IGFL2: variants seen among roughly 807,000 people sequenced by gnomAD.
The protein encoded by IGFL2 is IGF like family member 2, also known as insulin growth factor-like family member 2.
Under a neutral mutation model 13.9 loss-of-function variants are expected in IGFL2, and 7 were observed. The observed-to-expected ratio is 0.51, with a 90% CI of 0.29 to 0.95. The LOEUF (loss-of-function observed/expected upper bound fraction) is 0.95, where lower values mean the gene tolerates loss of function less well. Among genes scored for constraint, IGFL2 ranks in the 40% least tolerant of loss-of-function variants. The pLI, the probability that IGFL2 is intolerant of heterozygous loss-of-function variation, is 0.08. For missense variants in IGFL2, 138 were observed against 147.8 expected (o/e 0.93, Z 0.34); for synonymous variants, 55 against 55.8 (o/e 0.99, Z 0.07).
chr19:46,085,123 G>C, the IGFL2 span, among the ~76,000 whole-genome samples: 1 of 152,164 alleles, frequency 6.6e-6, no homozygotes, highest in African/African-American at 2.4e-5. Flanking sequence ...CCCAATGCAA[G>C]TTTGAAACCC....
the IGFL2 span, among the ~76,000 whole-genome samples, chr19:46,103,660 A>G: frequency 6.6e-6 from 1 of 152,208 alleles, no homozygotes; most frequent in Non-Finnish European, 1.5e-5. Context: ...GAATAGGAAT[A>G]TGACTAGACA....
At chr19:46,211,590 TC>T in the IGFL2 span, 2 of 152,058 alleles carry the variant, frequency 1.3e-5, no homozygotes, top group Non-Finnish European at 2.9e-5. Context: ...GGTTTCACAT[TC>T]CGGGTTTCAC....
chr19:46,110,989 G>A, the IGFL2 span: 3 of 151,814 alleles, frequency 2.0e-5, no homozygotes, highest in African/African-American at 7.3e-5. Flanking sequence ...TTATAATTAT[G>A]TACAATTTTT....
the IGFL2 span, among the ~76,000 whole-genome samples, chr19:46,195,505 AT>A: frequency 1.1e-4 from 17 of 152,300 alleles, no homozygotes; most frequent in Non-Finnish European, 2.4e-4. Flanking sequence ...TTTATGAAAA[AT>A]GTTGTAATCC....
At chr19:46,102,678 T>G in the IGFL2 span, among the ~76,000 whole-genome samples, 1 of 152,200 alleles carries the variant, frequency 6.6e-6, no homozygotes, top group Non-Finnish European at 1.5e-5. Context: ...GAATCTTAAG[T>G]TGCTTCAGGC....
At chr19:46,114,318 G>A in the IGFL2 span, among the ~76,000 whole-genome samples, 688 of 152,268 alleles carry the variant, frequency 4.5e-3, 7 homozygotes, top group African/African-American at 0.015. Flanking sequence ...GAAAAAAAGG[G>A]TGATACCTTT....
chr19:46,113,689 A>G, the IGFL2 span: 16 of 200,680 alleles, frequency 8.0e-5, 1 homozygote, highest in South Asian at 2.9e-4. Context: ...ATAATATTCC[A>G]TGCTTGTTAT....
the IGFL2 span, among the ~76,000 whole-genome samples, chr19:46,095,980 T>A: frequency 6.6e-6 from 1 of 152,222 alleles, no homozygotes; most frequent in Non-Finnish European, 1.5e-5. Context: ...TCTTTTTGCT[T>A]AGGATTGTCT....
chr19:46,195,777 T>A, the IGFL2 span: 4 of 152,076 alleles, frequency 2.6e-5, no homozygotes, highest in East Asian at 7.8e-4. Flanking sequence ...CCCTGTGGCT[T>A]CCCGATCACA....
the IGFL2 span, chr19:46,174,010 T>C: frequency 6.6e-6 from 1 of 152,240 alleles, no homozygotes; most frequent in Non-Finnish European, 1.5e-5. Context: ...TATGAGCCCA[T>C]GGACGAGAAC....
upstream of IGFL2, among the ~76,000 whole-genome samples, chr19:46,141,818 G>C (rs1972871492): frequency 6.6e-6 from 1 of 152,150 alleles, no homozygotes; most frequent in Non-Finnish European, 1.5e-5. Flanking sequence ...TCTTGCCATT[G>C]GTCAGTCTCC....
In IGFL2 at chr19:46,158,822, G is replaced by T. The variant is rs552309373; in HGVS notation, c.20-1593G>T. Among the ~76,000 whole-genome samples the T allele has an allele frequency of 1.6e-3, 240 of 152,206 alleles. 2 individuals are homozygous for T. The highest frequency in any genetic ancestry group is 3.4e-3 in the Admixed American group (52 of 15,288). ...GAGCCCTCCCTAAGGTTACTGATGC[G>T]GTCAGGATGATTAGGAGTAAGGGCT... On this transcript the variant is annotated intron_variant, in intron 1 of 3. Coordinates refer to ENST00000377693, the MANE Select transcript of IGFL2 (RefSeq NM_001135113.2).
chr19:46,208,301 TAG>T, the IGFL2 span: 83 of 152,390 alleles, frequency 5.4e-4, no homozygotes, highest in Middle Eastern at 3.4e-3. Flanking sequence ...CCAGGGCAGA[TAG>T]AGTCTCCCAT....
At chr19:46,174,373 A>G in the IGFL2 span, among the ~76,000 whole-genome samples, 2 of 152,144 alleles carry the variant, frequency 1.3e-5, no homozygotes, top group African/African-American at 4.8e-5. Context: ...CCACATCCTG[A>G]GATCTGACAC....
chr19:46,176,974 A>G, the IGFL2 span, among the ~76,000 whole-genome samples: 6 of 152,292 alleles, frequency 3.9e-5, no homozygotes, highest in East Asian at 1.9e-4. Context: ...AAGCACACGC[A>G]TTACCCTACC....
the IGFL2 span, among the ~76,000 whole-genome samples, chr19:46,093,273 TG>T: frequency 6.6e-6 from 1 of 152,344 alleles, no homozygotes; most frequent in South Asian, 2.1e-4. Context: ...ATTTCTCTAA[TG>T]GTGATCAAAA....
chr19:46,097,299 G>A, the IGFL2 span, among the ~76,000 whole-genome samples: 1 of 152,150 alleles, frequency 6.6e-6, no homozygotes, highest in Non-Finnish European at 1.5e-5. Context: ...TAGTTTATTT[G>A]CGTAGAGGTG....
chr19:46,181,379 A>G, the IGFL2 span: 1 of 152,192 alleles, frequency 6.6e-6, no homozygotes. Context: ...GAATTTTGCT[A>G]AAGAATAGGC....
the IGFL2 span, among the ~76,000 whole-genome samples, chr19:46,168,723 C>CA: frequency 2.0e-5 from 3 of 152,200 alleles, no homozygotes; most frequent in African/African-American, 7.2e-5. Flanking sequence ...AGTGTGCATT[C>CA]AGTGCAACTT....
Sources: allele counts gnomAD v4.1 joint callset (sites outside exome capture counted in the v4.1 genomes callset), GRCh38; gene constraint gnomAD v4.1.1; transcripts MANE v1.5; gene names NCBI Gene and HGNC (gene_info 2026-07-23, HGNC 2026-07-21).